RNGTT: variants seen among roughly 807,000 people sequenced by gnomAD.
RNGTT encodes the protein mRNA-capping enzyme.
RNGTT carries 33 observed loss-of-function variants against 79.3 expected under a neutral mutation model. The ratio of observed to expected loss-of-function variants is 0.42; its 90% CI spans 0.32 to 0.56. RNGTT has a LOEUF of 0.56. RNGTT is among the 20% of genes least tolerant of loss of function. The pLI, the probability that RNGTT is intolerant of heterozygous loss-of-function variation, is 0.17. For synonymous variants in RNGTT, 222 were observed against 235.9 expected (o/e 0.94, Z 0.54); for missense variants, 497 against 739.1 (o/e 0.67, Z 3.80).
At chr6:88,888,712 G>C (rs538927383) in intron 8 of RNGTT, among the ~76,000 whole-genome samples, 1 of 152,224 alleles carries the variant, frequency 6.6e-6, no homozygotes, top group Non-Finnish European at 1.5e-5. Flanking sequence ...TTAACTACTT[G>C]AATTAGTACA....
chr6:88,629,603 G>GA (rs563981159), intron 14 of RNGTT, among the ~76,000 whole-genome samples: 30 of 151,664 alleles, frequency 2.0e-4, no homozygotes, highest in Non-Finnish European at 2.8e-4. Context: ...TGGGAATAAA[G>GA]AAAAAAAACA....
chr6:88,639,851 C>T (rs1300172706), intron 14 of RNGTT, among the ~76,000 whole-genome samples: 1 of 152,180 alleles, frequency 6.6e-6, no homozygotes, highest in Non-Finnish European at 1.5e-5. Flanking sequence ...CATTTGTTTT[C>T]TCTTTTTATC....
In RNGTT at chr6:88,946,801, C is replaced by T. The variant is rs1390942022; in HGVS notation, c.65-5621G>A. On this transcript the variant is annotated intron_variant, in intron 1 of 15. Coordinates refer to ENST00000369485, the MANE Select transcript of RNGTT (RefSeq NM_003800.5). ...TGCCGAATGCCTGCGATTGCAGGCA[C>T]GCGCCGCCACGCCTGACTGGTTTTG... 2.8e-5 allele frequency among the ~76,000 whole-genome samples: 4 copies of T among 145,164 alleles called. 1 individual carries two copies. The highest frequency in any genetic ancestry group is 1.5e-5 in the Non-Finnish European group (1 of 65,960).
intron 14 of RNGTT, among the ~76,000 whole-genome samples, chr6:88,618,908 A>G (rs923429678): frequency 1.1e-4 from 16 of 152,312 alleles, no homozygotes; most frequent in African/African-American, 3.8e-4. Context: ...TGTATCCTCC[A>G]TTCCTTCTAC....
chr6:88,849,573 T>C (rs771077057), intron 10 of RNGTT, among the ~76,000 whole-genome samples, 182 bp downstream of exon 10: 2 of 151,860 alleles, frequency 1.3e-5, no homozygotes, highest in Non-Finnish European at 2.9e-5. Flanking sequence ...AAGAAATGTG[T>C]GAAAATTAAC....
intron 8 of RNGTT, among the ~76,000 whole-genome samples, chr6:88,860,692 A>T (rs1355777430): frequency 6.6e-6 from 1 of 152,136 alleles, no homozygotes; most frequent in East Asian, 1.9e-4. Context: ...ACAGTCAAGA[A>T]GGCTAAGCAT....
chr6:88,954,761 G>A (rs79173007), intron 1 of RNGTT, among the ~76,000 whole-genome samples: 1,928 of 151,804 alleles, frequency 0.013, 24 homozygotes, highest in East Asian at 0.042. Context: ...ACAAATACAC[G>A]ACCAGGCGTG....
chr6:88,699,155 G>A (rs1360176852), intron 13 of RNGTT, among the ~76,000 whole-genome samples: 1 of 152,042 alleles, frequency 6.6e-6, no homozygotes, highest in East Asian at 1.9e-4. Flanking sequence ...AGCAGTTTAT[G>A]GTCATCACAA....
intron 13 of RNGTT, among the ~76,000 whole-genome samples, chr6:88,728,750 C>T (rs1001679568): frequency 1.2e-4 from 19 of 152,300 alleles, no homozygotes; most frequent in African/African-American, 4.6e-4. Flanking sequence ...TCCTCTAAGC[C>T]TTCTTCCAAA....
intron 11 of RNGTT, among the ~76,000 whole-genome samples, chr6:88,840,031 T>C (rs1201496823): frequency 6.6e-6 from 1 of 152,224 alleles, no homozygotes; most frequent in Non-Finnish European, 1.5e-5. Flanking sequence ...ATTATTTTTC[T>C]ACAAAATTAG....
chr6:88,656,853 G>C (rs1773999238), intron 14 of RNGTT, among the ~76,000 whole-genome samples: 2 of 151,902 alleles, frequency 1.3e-5, no homozygotes, highest in Non-Finnish European at 2.9e-5. Context: ...ACTTTGGGAG[G>C]CTGAGGCAGG....
At chr6:88,949,143 T>TAAAAAAAAAAAAAAAAAAAAAAAAAAAA (rs1785139943) in intron 1 of RNGTT, among the ~76,000 whole-genome samples, 1 of 16,300 alleles carries the variant, frequency 6.1e-5, no homozygotes, top group African/African-American at 2.9e-4. Context: ...AAATAAAAAA[T>TAAAAAAAAAAAAAAAAAAAAAAAAAAAA]AAAATAAAAT....
At chr6:88,639,134 T>G (rs1773214255) in intron 14 of RNGTT, among the ~76,000 whole-genome samples, 1 of 152,170 alleles carries the variant, frequency 6.6e-6, no homozygotes, top group African/African-American at 2.4e-5. Flanking sequence ...CATCCATGAA[T>G]AACTTTTTTT....
chr6:88,622,555 T>C lies in RNGTT; in HGVS notation c.1507-8160A>G, dbSNP rs922185937. On this transcript the variant is annotated intron_variant, in intron 14 of 15. Transcript: ENST00000369485. ...CTGCCTCTTTAAAAACATTTCTCTT[T>C]TCTAGGCTTCCAGGAAACAAAATCT... is the stretch of plus-strand genomic sequence containing the variant. Among the ~76,000 whole-genome samples, 4 of 152,144 alleles carry C rather than the reference T, an allele frequency of 2.6e-5. No individual in the cohort carries two copies. The South Asian group carries it at 8.3e-4, about 31-fold the overall frequency.
chr6:88,934,540 T>C (rs867527954), intron 2 of RNGTT, among the ~76,000 whole-genome samples: 1 of 152,366 alleles, frequency 6.6e-6, no homozygotes. Context: ...CAGTTCTTTG[T>C]ATATTCTGGA....
At chr6:88,621,525 T>C (rs1011591) in intron 14 of RNGTT, among the ~76,000 whole-genome samples, 48,898 of 151,782 alleles carry the variant, frequency 0.32, 12,132 homozygotes, top group African/African-American at 0.7. Flanking sequence ...AAAAACAAAA[T>C]AAAAGGTTTT....
At chr6:88,770,330 C>T (rs1024677846) in intron 12 of RNGTT, among the ~76,000 whole-genome samples, 19 of 152,258 alleles carry the variant, frequency 1.2e-4, no homozygotes, top group African/African-American at 4.6e-4. Flanking sequence ...CAATTCCCTC[C>T]GTCAGCATTC....
chr6:88,886,664 T>C (rs1320015907), intron 8 of RNGTT, among the ~76,000 whole-genome samples: 2 of 152,108 alleles, frequency 1.3e-5, no homozygotes, highest in African/African-American at 4.8e-5. Flanking sequence ...ACTAAAGACA[T>C]CTCATTTTTA....
intron 11 of RNGTT, among the ~76,000 whole-genome samples, chr6:88,820,212 T>TATG (rs748917814): frequency 3.9e-5 from 6 of 151,928 alleles, no homozygotes; most frequent in African/African-American, 9.7e-5. Context: ...ATGATGATGA[T>TATG]ATGATGATGA....
Sources: gnomAD v4.1 joint callset for allele counts (sites outside exome capture counted in the v4.1 genomes callset) on GRCh38, gnomAD v4.1.1 for gene constraint, MANE v1.5 for transcripts, NCBI Gene and HGNC (gene_info 2026-07-23, HGNC 2026-07-21) for gene names.